STPG2: variants seen among roughly 807,000 people sequenced by gnomAD.
The protein encoded by STPG2 is sperm tail PG-rich repeat containing 2.
A neutral mutation model predicts 54.2 loss-of-function variants in STPG2; 56 were observed. That is an observed-to-expected ratio of 1.03 (90% confidence interval 0.83 to 1.29). The LOEUF is 1.29. Ranked by LOEUF, STPG2 falls within the 50% of genes most tolerant of loss-of-function variation. The probability of loss-of-function intolerance (pLI) is 0.00; values close to 1 mark genes in which losing one functional copy is unlikely to be tolerated. For missense variants in STPG2, 596 were observed against 544.9 expected, an observed-to-expected ratio of 1.09 and a Z score of -0.93; for synonymous variants, 200 against 181.8, an observed-to-expected ratio of 1.10 and a Z score of -0.81.
At chr4:97,905,283 G>C (rs540923418) in intron 8 of STPG2, among the ~76,000 whole-genome samples, 1 of 152,296 alleles carries the variant, frequency 6.6e-6, no homozygotes, top group East Asian at 1.9e-4. Flanking sequence ...CAAGCCAGAA[G>C]ACAGTGGGGG....
intron 4 of STPG2, among the ~76,000 whole-genome samples, chr4:97,482,147 A>T (rs1730237923): frequency 6.6e-6 from 1 of 151,490 alleles, no homozygotes; most frequent in Non-Finnish European, 1.5e-5. Context: ...TGATTTTTCA[A>T]ATGTTAAACA....
rs1255865497 is a variant in STPG2, at chr4:98,034,467, GA to G, written c.613-53150del. Among the ~76,000 whole-genome samples the G allele has an allele frequency of 3.3e-5, 5 of 152,092 alleles. No homozygotes were observed. In the South Asian group the frequency reaches 8.3e-4, roughly 25 times the overall value. ...TAAGAGAGGACACAAACAAATGGAA[GA>G]ACATTCCATGCTCATGGATAGGAAG... is the stretch of plus-strand genomic sequence containing the variant. On this transcript the variant is annotated intron_variant, in intron 5 of 10. Coordinates refer to ENST00000295268, the MANE Select transcript of STPG2 (RefSeq NM_174952.3).
intron 5 of STPG2, among the ~76,000 whole-genome samples, chr4:98,061,744 G>A (rs1344564064): frequency 1.3e-5 from 2 of 152,176 alleles, no homozygotes; most frequent in Non-Finnish European, 2.9e-5. Context: ...ACCACAATGA[G>A]ATACCAATCT....
intron 5 of STPG2, among the ~76,000 whole-genome samples, chr4:98,036,347 A>G (rs1440739440): frequency 1.3e-5 from 2 of 152,136 alleles, no homozygotes; most frequent in African/African-American, 4.8e-5. Flanking sequence ...TTATAAAGAT[A>G]CATGCATGCA....
At chr4:97,616,771 G>A (rs1733884313) in intron 10 of STPG2, among the ~76,000 whole-genome samples, 1 of 151,976 alleles carries the variant, frequency 6.6e-6, no homozygotes, top group African/African-American at 2.4e-5. Context: ...GTACAATAAT[G>A]GAGGTTACAT....
At chr4:97,671,371 A>G (rs1722689676) in intron 10 of STPG2, among the ~76,000 whole-genome samples, 2 of 152,220 alleles carry the variant, frequency 1.3e-5, no homozygotes, top group South Asian at 4.1e-4. Flanking sequence ...ACATGCTTAT[A>G]AACTTACATA....
At chr4:97,826,079 C>A (rs571565686) in intron 9 of STPG2, among the ~76,000 whole-genome samples, 66 of 152,228 alleles carry the variant, frequency 4.3e-4, no homozygotes, top group African/African-American at 1.6e-3. Flanking sequence ...GGGGAAGAGT[C>A]AGCTTTTATC....
intron 5 of STPG2, among the ~76,000 whole-genome samples, chr4:98,081,117 A>G (rs1253003492): frequency 4.6e-5 from 7 of 152,202 alleles, no homozygotes; most frequent in Admixed American, 4.6e-4. Context: ...AAGAGAATCA[A>G]CTGAAATGAA....
At chr4:97,799,696 A>C (rs574064781) in intron 9 of STPG2, among the ~76,000 whole-genome samples, 295 of 152,176 alleles carry the variant, frequency 1.9e-3, no homozygotes, top group African/African-American at 7.0e-3. Context: ...TCTTTGTGGC[A>C]TTCTCTGTAT....
At chr4:97,819,943 A>G (rs999228631) in intron 9 of STPG2, among the ~76,000 whole-genome samples, 5 of 152,062 alleles carry the variant, frequency 3.3e-5, no homozygotes, top group Admixed American at 6.5e-5. Flanking sequence ...TGTGCTTTAC[A>G]GATACTGTTG....
chr4:97,922,691 G>A (rs575969916), intron 8 of STPG2, among the ~76,000 whole-genome samples: 1 of 152,178 alleles, frequency 6.6e-6, no homozygotes, highest in Non-Finnish European at 1.5e-5. Flanking sequence ...CTCTCTGTTA[G>A]GTCCTGCAAA....
chr4:98,025,374 A>C (rs1436568636), intron 5 of STPG2: 1 of 332,222 alleles, frequency 3.0e-6, no homozygotes. Context: ...CTGGGCCTGC[A>C]GGCCTTTGTT....
At chr4:97,561,044 T>G (rs943448029) in intron 10 of STPG2, among the ~76,000 whole-genome samples, 2 of 152,126 alleles carry the variant, frequency 1.3e-5, no homozygotes, top group Admixed American at 1.3e-4. Flanking sequence ...CCACAATGGT[T>G]GAACTAGTTT....
intron 4 of STPG2, among the ~76,000 whole-genome samples, chr4:97,467,843 C>CTTTTT (rs575151800): frequency 1.0e-4 from 14 of 134,018 alleles, no homozygotes; most frequent in Admixed American, 3.8e-4. Context: ...GCTGCTTTTG[C>CTTTTT]TTTTTTTTTT....
At chr4:98,026,019 A>C in intron 5 of STPG2, 2 of 1,033,730 alleles carry the variant, frequency 1.9e-6, no homozygotes, top group South Asian at 2.8e-5. Context: ...GATTACATGT[A>C]AGATGAAGAT....
chr4:98,067,568 G>A (rs783964), intron 5 of STPG2, among the ~76,000 whole-genome samples: 128,638 of 152,140 alleles, frequency 0.85, 54,530 homozygotes, highest in Middle Eastern at 0.97. Context: ...TATTTGCTTC[G>A]TAAAGTTTTT....
intron 5 of STPG2, chr4:98,025,388 C>T: frequency 2.8e-6 from 1 of 356,260 alleles, no homozygotes; most frequent in Non-Finnish European, 5.5e-6. Context: ...CTTTGTTCCA[C>T]AGTTTGTTAA....
intron 5 of STPG2, among the ~76,000 whole-genome samples, chr4:98,093,348 A>G (rs1159264772): frequency 1.3e-5 from 2 of 152,196 alleles, no homozygotes; most frequent in African/African-American, 4.8e-5. Context: ...AAACAATACT[A>G]CATGTACAAA....
rs113789990 is a variant in STPG2 at position 97,539,996 on chromosome 4, T to C, written c.462+172703A>G. On this transcript the variant is annotated intron_variant, in intron 4 of 4. Transcript: ENST00000522676. ...AAAGCAGTGTGTAGAGGGAAATTTATGGCACTAAATGCCCACAAGAGAAAG... is the reference window on the plus strand; with the variant it reads ...AAAGCAGTGTGTAGAGGGAAATTTACGGCACTAAATGCCCACAAGAGAAAG... 5.1e-3 allele frequency among the ~76,000 whole-genome samples: 773 copies of C among 152,298 alleles called. 5 individuals are homozygous for C. Among genetic ancestry groups the C allele is most frequent in the Middle Eastern group, 0.02 (6 of 294 alleles).
Sources: gnomAD v4.1 joint callset for allele counts (sites outside exome capture counted in the v4.1 genomes callset) on GRCh38, gnomAD v4.1.1 for gene constraint, MANE v1.5 for transcripts, NCBI Gene and HGNC (gene_info 2026-07-23, HGNC 2026-07-21) for gene names.